Variants in RUBCN observed in about 807,000 individuals in gnomAD.
The protein encoded by RUBCN is run domain Beclin-1-interacting and cysteine-rich domain-containing protein.
A neutral mutation model predicts 113.2 loss-of-function variants in RUBCN; 74 were observed. That is an observed-to-expected ratio of 0.65 (90% CI 0.54 to 0.79). RUBCN has a LOEUF of 0.79. Among genes scored for constraint, RUBCN ranks in the 30% least tolerant of loss-of-function variants. The pLI is 0.00. For synonymous variants in RUBCN, 480 were observed against 490.0 expected, an observed-to-expected ratio of 0.98 and a Z score of 0.27; for missense variants, 1,109 against 1,251.7, an observed-to-expected ratio of 0.89 and a Z score of 1.72.
Position 197,681,852 on chromosome 3 carries a change from C to G in RUBCN, c.2174G>C (p.Gly725Ala). The G allele has an allele frequency of 6.2e-7, 1 of 1,613,976 alleles. No homozygotes were observed. The highest frequency in any genetic ancestry group is 8.5e-7 in the Non-Finnish European group (1 of 1,179,932). Residue 725 changes from glycine (G) to alanine (A), a missense_variant, in exon 15 of 20, where the codon GGC becomes GCC. By Grantham distance (60) the Gly-to-Ala change is moderately conservative. Coordinates refer to ENST00000296343, the MANE Select transcript of RUBCN (RefSeq NM_014687.4). This position sits in a 1 kb window ranked among gnomAD's most constrained non-coding sequence, Gnocchi z 5.5. ...AKQNYRCAGC[G>A]IRTDPDYIKR... is the part of the protein sequence containing the mutation. ...GCACTCACCAGGGTCAGTCCGGATGCCACATCCTGCACAGCGGTAATTCTG... is the reference window on the plus strand; with the variant it reads ...GCACTCACCAGGGTCAGTCCGGATGGCACATCCTGCACAGCGGTAATTCTG...
chr3:197,672,280 T>C lies in RUBCN; in HGVS notation c.*2738A>G, dbSNP rs1278414073. The C allele has an allele frequency of 6.6e-6, 1 of 152,200 alleles. No individual in the cohort carries two copies. The allele number at this position is 152,200 out of a possible 1,614,324, so 9.4% of individuals were successfully genotyped here. A position where few individuals can be genotyped will look rare whatever the true frequency, so the allele number is the denominator to read the frequency against. On this transcript the variant is annotated 3_prime_UTR_variant, in exon 20 of 20. Coordinates refer to ENST00000296343, the MANE Select transcript of RUBCN (RefSeq NM_014687.4). ...CTATGTTTTTTTTCTTTCCCTTTAC[T>C]TACAGAAAGAACACTATCACCTGCC...
rs553672363 is a variant in RUBCN, at chr3:197,745,765, G to A, written c.-116+3504C>T. ...AAAACTATGAGGTTGAGCTGGGCGC[G>A]GTGGCTCACACCTGTAATGCCAGCA... On this transcript the variant is annotated intron_variant, in intron 1 of 20. Transcript: ENST00000273582. Among the ~76,000 whole-genome samples, 336 of 149,734 alleles carry A rather than the reference G, an allele frequency of 2.2e-3. 8 individuals are homozygous for A. The highest frequency in any genetic ancestry group is 4.8e-4 in the Non-Finnish European group (32 of 67,218).
chr3:197,678,532 T>G (rs1230449834), intron 16 of RUBCN, among the ~76,000 whole-genome samples: 1 of 145,014 alleles, frequency 6.9e-6, no homozygotes, highest in Admixed American at 6.9e-5. Context: ...ACAACTGGCT[T>G]CAGACTGTCC....
Position 197,671,174 on chromosome 3 carries a change from C to A in RUBCN, c.*3844G>T, listed in dbSNP as rs144173238. On this transcript the variant is annotated 3_prime_UTR_variant, in exon 20 of 20. Transcript: ENST00000296343. Reference sequence around the variant, plus strand: ...GGATTACAAGCACATGCCACCATGCCTGGCTAATTTTTATATTTTTGTAGA... The same window carrying A: ...GGATTACAAGCACATGCCACCATGCATGGCTAATTTTTATATTTTTGTAGA... Among the ~76,000 whole-genome samples, 1 of 152,100 alleles carries A rather than the reference C, an allele frequency of 6.6e-6. No homozygotes were observed. The highest frequency in any genetic ancestry group is 1.9e-4 in the East Asian group (1 of 5,202).
At position 197,709,545 on chromosome 3, in the gene RUBCN, T is replaced by TA. The variant is rs1463724035; in HGVS notation, c.220-4371dup. ...ACAGGCTTGCGCCACCATGCCCGGC[T>TA]AGTTTTGTATTTTTAGTAGAGACGG... is the stretch of plus-strand genomic sequence containing the variant. On this transcript the variant is annotated intron_variant, in intron 2 of 19. Transcript: ENST00000296343. 5.4e-4 allele frequency among the ~76,000 whole-genome samples: 82 copies of TA among 152,212 alleles called. 1 individual carries two copies. Among genetic ancestry groups the TA allele is most frequent in the Middle Eastern group, 6.8e-3 (2 of 294 alleles).
chr3:197,742,583 G>A (rs923652096), intron 1 of RUBCN, among the ~76,000 whole-genome samples: 2 of 152,198 alleles, frequency 1.3e-5, no homozygotes, highest in African/African-American at 2.4e-5. Context: ...TGCAACTCTC[G>A]CTGAGTAAAG....
At chr3:197,722,873 C>A (rs1726321944) in intron 1 of RUBCN, among the ~76,000 whole-genome samples, 1 of 152,120 alleles carries the variant, frequency 6.6e-6, no homozygotes. Flanking sequence ...TTCTTGGAAG[C>A]AGCATACGGT....
intron 1 of RUBCN, 63 bp from the exon 2 acceptor site, chr3:197,718,193 C>CA (rs1466264291): frequency 4.8e-5 from 77 of 1,594,160 alleles, no homozygotes; most frequent in Non-Finnish European, 6.0e-5. Context: ...CTGATCATAT[C>CA]AAAGAAAGTC....
chr3:197,739,565 G>C (rs562962977), upstream of RUBCN, among the ~76,000 whole-genome samples: 1 of 149,266 alleles, frequency 6.7e-6, no homozygotes, highest in Non-Finnish European at 1.5e-5. Context: ...GCGTGGTGGC[G>C]GGCGCCTGTA....
intron 1 of RUBCN, among the ~76,000 whole-genome samples, chr3:197,745,182 G>A (rs1728685604): frequency 6.6e-6 from 1 of 152,040 alleles, no homozygotes. Flanking sequence ...CTACTCAGGA[G>A]GCTGAGGCAG....
At chr3:197,729,093 C>T (rs1727097254) in intron 1 of RUBCN, among the ~76,000 whole-genome samples, 1 of 149,850 alleles carries the variant, frequency 6.7e-6, no homozygotes, top group African/African-American at 2.5e-5. Flanking sequence ...TTGCAGTGAG[C>T]CGAGATTGTG....
chr3:197,716,312 G>A (rs1725509644), intron 2 of RUBCN, among the ~76,000 whole-genome samples: 1 of 152,188 alleles, frequency 6.6e-6, no homozygotes, highest in Non-Finnish European at 1.5e-5. Flanking sequence ...AATTTTAGTA[G>A]ATACAGAGTT....
chr3:197,734,674 A>T (rs963584911), intron 1 of RUBCN, among the ~76,000 whole-genome samples: 3 of 152,228 alleles, frequency 2.0e-5, no homozygotes, highest in African/African-American at 7.2e-5. Flanking sequence ...TTAAAAAAAT[A>T]ACTAACCCAG....
chr3:197,682,667 C>T, intron 13 of RUBCN, 52 bp from the exon 14 acceptor site: 1 of 1,602,118 alleles, frequency 6.2e-7, no homozygotes. Context: ...TGCTGCCCGT[C>T]ATCTGGTGAG....
chr3:197,704,500 A>T, intron 4 of RUBCN, 42 bp downstream of exon 4: 1 of 1,594,326 alleles, frequency 6.3e-7, no homozygotes, highest in Non-Finnish European at 8.6e-7. Context: ...GTGGGTGACA[A>T]CGAGGAAGCA....
intron 1 of RUBCN, among the ~76,000 whole-genome samples, chr3:197,742,427 A>G (rs1409159070): frequency 6.6e-6 from 1 of 151,912 alleles, no homozygotes; most frequent in Non-Finnish European, 1.5e-5. Flanking sequence ...TGGGAAGCGG[A>G]GGTTTCAGTG....
At chr3:197,737,022 A>C, upstream of RUBCN, 1 of 980,820 alleles carries the variant, frequency 1.0e-6, no homozygotes, top group Non-Finnish European at 1.3e-6. Flanking sequence ...CTCCAACGGC[A>C]GGCCGCTCCC....
At chr3:197,677,453 G>A (rs977127019) in intron 17 of RUBCN, 27 bp downstream of exon 17, 1 of 1,602,104 alleles carries the variant, frequency 6.2e-7, no homozygotes, top group African/African-American at 1.3e-5. Context: ...AACGTGGCCA[G>A]AGGGCTCTAG....
At chr3:197,721,424 C>T (rs931624445) in intron 1 of RUBCN, among the ~76,000 whole-genome samples, 3 of 152,170 alleles carry the variant, frequency 2.0e-5, no homozygotes, top group Non-Finnish European at 4.4e-5. Flanking sequence ...TCTAGTGATT[C>T]TTCATAGTTC....
Sources: gnomAD v4.1 joint callset for allele counts (sites outside exome capture counted in the v4.1 genomes callset) on GRCh38, gnomAD v4.1.1 for gene constraint, Gnocchi (gnomAD v3.1) non-coding constraint, MANE v1.5 for transcripts, NCBI Gene and HGNC (gene_info 2026-07-23, HGNC 2026-07-21) for gene names.